Variants in PIR observed in about 807,000 individuals in gnomAD.
PIR encodes the protein pirin (iron-binding nuclear protein).
A neutral mutation model predicts 24.2 loss-of-function variants in PIR; 22 were observed. The ratio of observed to expected loss-of-function variants is 0.91; its 90% CI spans 0.65 to 1.30. The LOEUF (loss-of-function observed/expected upper bound fraction) is 1.30. PIR is among the 50% of genes most tolerant of loss of function. The probability of loss-of-function intolerance (pLI) is 0.00; values close to 1 mark genes in which losing one functional copy is unlikely to be tolerated. For synonymous variants in PIR, 80 were observed against 79.6 expected, an observed-to-expected ratio of 1.00 and a Z score of -0.03; for missense variants, 220 against 220.3, an observed-to-expected ratio of 1.00 and a Z score of 0.01.
chrX:15,488,399 T>C (rs2147091079), intron 2 of PIR, among the ~76,000 whole-genome samples: 1 of 110,877 alleles, frequency 9.0e-6, no homozygotes, highest in African/African-American at 3.3e-5. Flanking sequence ...TCTACCTTTC[T>C]GGCAAGTTGG....
At chrX:15,467,234 G>A (rs749416137) in intron 3 of PIR, among the ~76,000 whole-genome samples, 1 of 112,535 alleles carries the variant, frequency 8.9e-6, no homozygotes, top group Non-Finnish European at 1.9e-5. Context: ...TGAGATTAAG[G>A]TTACAGTTAA....
rs372186417 is a variant in PIR, at chrX:15,425,998, G to A, written c.481-8C>T. 6 of 1,114,307 alleles carry A rather than the reference G, an allele frequency of 5.4e-6. No homozygotes were observed. Among genetic ancestry groups the A allele is most frequent in the Non-Finnish European group, 4.9e-6 (4 of 808,703 alleles). 91.8% of individuals were successfully genotyped at this position (1,114,307 alleles called of 1,213,427 possible). A position where few individuals can be genotyped will look rare whatever the true frequency, so the allele number is the denominator to read the frequency against. On this transcript the variant is annotated splice_polypyrimidine_tract_variant and splice_region_variant and intron_variant, in intron 5 of 9. Transcript: ENST00000380420. ...GCGAGTGTAAACCTTGGACTGAAAA[G>A]GAAAAGGAAACCATCAGTGTTTTTT...
chrX:15,486,312 G>A (rs58465598), intron 2 of PIR, among the ~76,000 whole-genome samples: 2,654 of 30,568 alleles, frequency 0.087, 18 homozygotes, highest in East Asian at 0.17. Flanking sequence ...AAAAAAAAAA[G>A]AAGGTCAATC....
chrX:15,473,096 C>A (rs1922009385), intron 3 of PIR, among the ~76,000 whole-genome samples: 1 of 112,522 alleles, frequency 8.9e-6, no homozygotes, highest in Admixed American at 9.4e-5. Flanking sequence ...ACCTATCAAG[C>A]CATGTCATTC....
At chrX:15,428,418 G>C (rs189406712) in intron 5 of PIR, among the ~76,000 whole-genome samples, 20 of 111,886 alleles carry the variant, frequency 1.8e-4, no homozygotes, top group African/African-American at 6.5e-4. Flanking sequence ...ATATTTCGCT[G>C]TCCTTCAGAT....
intron 6 of PIR, among the ~76,000 whole-genome samples, chrX:15,408,877 T>C (rs1924634263): frequency 1.8e-5 from 2 of 111,478 alleles, no homozygotes; most frequent in African/African-American, 6.5e-5. Flanking sequence ...GCTTGAAACG[T>C]TCAACTGGAT....
intron 7 of PIR, among the ~76,000 whole-genome samples, chrX:15,403,104 C>T (rs1003201793): frequency 9.0e-6 from 1 of 110,587 alleles, no homozygotes; most frequent in East Asian, 2.8e-4. Context: ...CTGGGCAATT[C>T]AGTTAGTTGG....
rs1299296812 is a variant in PIR at position 15,493,195 on chromosome X, G to A, written c.-58C>T. On this transcript the variant is annotated 5_prime_UTR_variant, in exon 1 of 10. Transcript: ENST00000380420. The stretch of plus-strand genomic sequence containing the variant: ...CAGGAGCCCCAGGTACTCACGCTGC[G>A]GTAGCGGCACCTGGAGCCTTAGCGG... The A allele has an allele frequency of 8.8e-6, 1 of 113,025 alleles. No individual in the cohort carries two copies. Among genetic ancestry groups the A allele is most frequent in the Non-Finnish European group, 1.9e-5 (1 of 53,331 alleles). 9.3% of individuals were successfully genotyped at this position (113,025 alleles called of 1,213,427 possible).
Position 15,407,547 on chromosome X carries a change from C to G in PIR, c.569G>C (p.Trp190Ser), listed in dbSNP as rs1569195774. The G allele has an allele frequency of 7.5e-6, 9 of 1,196,140 alleles. No individual in the cohort carries two copies. Among genetic ancestry groups the G allele is most frequent in the Non-Finnish European group, 1.0e-5 (9 of 882,315 alleles). ...AGATATCGTGTAAATGAAGCTTGTC[C>G]ACCCTGGAAAGGACCAGCAACATTA... is the stretch of plus-strand genomic sequence containing the variant. ...AKHSQPIPKG[W>S]TSFIYTISGD... Residue 190 changes from tryptophan to serine, a missense_variant, in exon 7 of 10, where the codon TGG (tryptophan) becomes TCG (serine). Physicochemically the swap from Trp to Ser is radical, Grantham distance 177. Coordinates refer to ENST00000380420, the MANE Select transcript of PIR (RefSeq NM_001018109.3).
intron 7 of PIR, among the ~76,000 whole-genome samples, chrX:15,401,844 T>C (rs1050531674): frequency 8.9e-6 from 1 of 112,067 alleles, no homozygotes; most frequent in Non-Finnish European, 1.9e-5. Context: ...CCTTTTTTTC[T>C]ATTTATAAGA....
At chrX:15,449,499 A>G (rs370481048) in intron 5 of PIR, among the ~76,000 whole-genome samples, 16 of 112,322 alleles carry the variant, frequency 1.4e-4, no homozygotes, top group African/African-American at 5.2e-4. Flanking sequence ...ATCAATGGAA[A>G]TAATCAGTGG....
intron 5 of PIR, among the ~76,000 whole-genome samples, chrX:15,426,994 G>A (rs900258231): frequency 2.7e-5 from 3 of 111,590 alleles, no homozygotes; most frequent in African/African-American, 9.8e-5. Flanking sequence ...ATAATAGAAT[G>A]GATAAATGAA....
chrX:15,441,387 T>C (rs1925909922), intron 5 of PIR, among the ~76,000 whole-genome samples: 1 of 111,670 alleles, frequency 9.0e-6, no homozygotes, highest in Non-Finnish European at 1.9e-5. Context: ...AGAAGACAGA[T>C]ATGCCTTGGT....
chrX:15,447,205 A>G (rs1372764411), intron 5 of PIR, among the ~76,000 whole-genome samples: 2 of 112,613 alleles, frequency 1.8e-5, no homozygotes, highest in South Asian at 3.7e-4. Flanking sequence ...CATGATCCCA[A>G]GGATTTCTGC....
In PIR at chrX:15,397,527, G is replaced by C; in HGVS notation, c.615C>G (p.Pro205=). The change falls in exon 8 of 10, where the codon CCC becomes CCG. Residue 205 remains proline (P), a synonymous_variant. Transcript: ENST00000380420. Reference sequence around the variant, plus strand: ...GTTCTATTTTTTGTTGTGCATCATCGGGCCCTACAAAACCAATGACACACT... The same window carrying C: ...GTTCTATTTTTTGTTGTGCATCATCCGGCCCTACAAAACCAATGACACACT... ...YTISGDVYIG[P]DDAQQKIEPH... is the part of the protein sequence containing the mutation. 8.4e-7 allele frequency: 1 copy of C among 1,193,788 alleles called. No homozygotes were observed. The highest frequency in any genetic ancestry group is 1.1e-6 in the Non-Finnish European group (1 of 879,520).
chrX:15,485,544 G>C (rs1922763520), intron 2 of PIR, among the ~76,000 whole-genome samples: 1 of 112,014 alleles, frequency 8.9e-6, no homozygotes, highest in African/African-American at 3.2e-5. Context: ...TTGCCCATTT[G>C]ATCCTTCTGG....
rs199605439 is a variant in PIR at position 15,454,480 on chromosome X, A to AC, written c.480+1367_480+1368insG. 5.9e-3 allele frequency among the ~76,000 whole-genome samples: 649 copies of AC among 109,763 alleles called. 6 individuals are homozygous for AC. The highest frequency in any genetic ancestry group is 0.02 in the African/African-American group (605 of 30,189). On this transcript the variant is annotated intron_variant, in intron 5 of 9. Coordinates refer to ENST00000380420, the MANE Select transcript of PIR (RefSeq NM_001018109.3). ...ACCTAGGCAGGGTACAGGTAAAAAAAAAAAAAACAAAAAAACAAAAATAAA... is the reference window on the plus strand; with the variant it reads ...ACCTAGGCAGGGTACAGGTAAAAAAACAAAAAAACAAAAAAACAAAAATAAA...
chrX:15,443,304 T>C (rs1013283487), intron 5 of PIR, among the ~76,000 whole-genome samples: 2 of 110,287 alleles, frequency 1.8e-5, no homozygotes, highest in Admixed American at 9.6e-5. Flanking sequence ...GAAAAAAAAA[T>C]ATTCCTTTAA....
chrX:15,430,559 T>C (rs1181041683), intron 5 of PIR, among the ~76,000 whole-genome samples: 2 of 111,664 alleles, frequency 1.8e-5, no homozygotes, highest in African/African-American at 3.3e-5. Flanking sequence ...AAACCCATAA[T>C]GAGTCTCAGA....
Sources: allele counts gnomAD v4.1 joint callset (sites outside exome capture counted in the v4.1 genomes callset), GRCh38; gene constraint gnomAD v4.1.1; transcripts MANE v1.5; gene names NCBI Gene and HGNC (gene_info 2026-07-23, HGNC 2026-07-21).